The following GHRH variants were observed in gnomAD, a reference collection of about 807,000 sequenced individuals.
GHRH encodes growth hormone releasing hormone, also known as somatoliberin.
GHRH carries 7 observed loss-of-function variants against 15.6 expected under a neutral mutation model. The observed-to-expected ratio is 0.45, with a 90% confidence interval of 0.26 to 0.84. The LOEUF is 0.84. Ranked by LOEUF, GHRH falls within the 40% of genes least tolerant of loss-of-function variation. The pLI, the probability that GHRH is intolerant of heterozygous loss-of-function variation, is 0.18. For synonymous variants in GHRH, 54 were observed against 50.4 expected, an observed-to-expected ratio of 1.07 and a Z score of -0.30; for missense variants, 117 against 138.0, an observed-to-expected ratio of 0.85 and a Z score of 0.76.
Position 37,258,152 on chromosome 20 carries a change from T to G in GHRH, c.-19-1244A>C, listed in dbSNP as rs1350896919. On this transcript the variant is annotated intron_variant, in intron 1 of 4. Transcript: ENST00000373614. The surrounding 1 kb of genome is among the most constrained non-coding windows in gnomAD (Gnocchi z 4.1). The stretch of plus-strand genomic sequence containing the variant: ...CCGCCTCCGCTGGGGCAAGTGCCAC[T>G]GCTGTCAGCCCAGACCTGCCCAAGC... Among the ~76,000 whole-genome samples the G allele has an allele frequency of 6.6e-6, 1 of 152,228 alleles. No homozygotes were observed. The highest frequency in any genetic ancestry group is 1.5e-5 in the Non-Finnish European group (1 of 68,036).
intron 1 of GHRH, among the ~76,000 whole-genome samples, chr20:37,259,992 T>G (rs1252928860): frequency 1.3e-5 from 2 of 152,174 alleles, no homozygotes; most frequent in East Asian, 3.8e-4. Context: ...GTTGGGCCTC[T>G]GGGGAAGAAA....
chr20:37,261,616 G>A (rs915353121), intron 1 of GHRH, 127 bp downstream of exon 1: 25 of 152,254 alleles, frequency 1.6e-4, no homozygotes, highest in Admixed American at 1.6e-3. Context: ...GGGCTCAAAT[G>A]TACTCACCAG....
intron 4 of GHRH, among the ~76,000 whole-genome samples, chr20:37,251,843 T>TA (rs1402719667): frequency 3.9e-5 from 6 of 152,228 alleles, no homozygotes; most frequent in Admixed American, 3.9e-4. Context: ...AGCAGGAACT[T>TA]ATTCCTGCTC....
chr20:37,257,748 C>G (rs1042209366), intron 1 of GHRH, among the ~76,000 whole-genome samples: 1 of 152,180 alleles, frequency 6.6e-6, no homozygotes, highest in Non-Finnish European at 1.5e-5. Context: ...CCTCTCTGAG[C>G]CTTATTTTCC....
In GHRH at chr20:37,258,090, T is replaced by C. The variant is rs898052563; in HGVS notation, c.-19-1182A>G. On this transcript the variant is annotated intron_variant, in intron 1 of 4. Coordinates refer to ENST00000373614, the MANE Select transcript of GHRH (RefSeq NM_021081.6). This position sits in a 1 kb window ranked among gnomAD's most constrained non-coding sequence, Gnocchi z 4.1. ...ATTGGGGCCTGCGGACAGCATGCTCTGCAATTAGGGGAAAAACAGCCAGCA... is the reference window on the plus strand; with the variant it reads ...ATTGGGGCCTGCGGACAGCATGCTCCGCAATTAGGGGAAAAACAGCCAGCA... 3.3e-5 allele frequency among the ~76,000 whole-genome samples: 5 copies of C among 152,198 alleles called. No individual in the cohort carries two copies. Among genetic ancestry groups the C allele is most frequent in the Middle Eastern group, 3.2e-3 (1 of 316 alleles).
intron 1 of GHRH, among the ~76,000 whole-genome samples, chr20:37,261,053 G>A (rs1314644075): frequency 6.6e-6 from 1 of 152,176 alleles, no homozygotes; most frequent in East Asian, 1.9e-4. Context: ...TTCAGTGACA[G>A]CATTCCAAGT....
At chr20:37,257,037 A>G (rs2068661347) in intron 1 of GHRH, 129 bp from the exon 2 acceptor site, 4 of 651,780 alleles carry the variant, frequency 6.1e-6, no homozygotes, top group South Asian at 5.1e-5. Context: ...GGGATGGGAA[A>G]AAGAACCCAG....
At chr20:37,256,556 C>T (rs1186077199) in intron 2 of GHRH, 58 bp from the exon 3 acceptor site, 30 of 1,068,566 alleles carry the variant, frequency 2.8e-5, no homozygotes, top group Non-Finnish European at 4.1e-5. Flanking sequence ...AGAGGACAGT[C>T]GTGGCTGCAC....
rs1202957827 is a variant in GHRH, at chr20:37,258,638, GCA to G, written c.-19-1732_-19-1731del. Among the ~76,000 whole-genome samples, 8 of 152,188 alleles carry G rather than the reference GCA, an allele frequency of 5.3e-5. No homozygotes were observed. Among genetic ancestry groups the G allele is most frequent in the Non-Finnish European group, 1.2e-4 (8 of 68,026 alleles). On this transcript the variant is annotated intron_variant, in intron 1 of 4. Coordinates refer to ENST00000373614, the MANE Select transcript of GHRH (RefSeq NM_021081.6). This position sits in a 1 kb window ranked among gnomAD's most constrained non-coding sequence, Gnocchi z 4.1. Reference sequence around the variant, plus strand: ...CATGACATGAGCATCCCCACAACACGCACACTGGCTGTCCTCCACTTCCTGCT... The same window carrying G: ...CATGACATGAGCATCCCCACAACACGCACTGGCTGTCCTCCACTTCCTGCT...
At chr20:37,252,361 G>A (rs2068626266) in intron 4 of GHRH, among the ~76,000 whole-genome samples, 1 of 152,212 alleles carries the variant, frequency 6.6e-6, no homozygotes, top group Non-Finnish European at 1.5e-5. Flanking sequence ...ATCGGGTTGG[G>A]AAGAAGGTGA....
At chr20:37,251,579 G>C (rs76610112) in intron 4 of GHRH, among the ~76,000 whole-genome samples, 1 of 152,332 alleles carries the variant, frequency 6.6e-6, no homozygotes, top group Non-Finnish European at 1.5e-5. Flanking sequence ...GTAATTGACT[G>C]TACAAGAACG....
At chr20:37,255,488 G>A (rs891520967) in intron 3 of GHRH, among the ~76,000 whole-genome samples, 51 of 151,266 alleles carry the variant, frequency 3.4e-4, no homozygotes, top group Non-Finnish European at 5.6e-4. Flanking sequence ...GTGAAACCCC[G>A]TCTCTACTAA....
rs778211197 is a variant in GHRH, at chr20:37,258,941, T to C, written c.-19-2033A>G. Among the ~76,000 whole-genome samples, 1 of 152,160 alleles carries C rather than the reference T, an allele frequency of 6.6e-6. No homozygotes were observed. Among genetic ancestry groups the C allele is most frequent in the Non-Finnish European group, 1.5e-5 (1 of 68,022 alleles). ...TTTTTGTAAAGATAAAGTCTCACTATATTGCCGAGGCTGGTTTCAAACCCC... is the reference window on the plus strand; with the variant it reads ...TTTTTGTAAAGATAAAGTCTCACTACATTGCCGAGGCTGGTTTCAAACCCC... On this transcript the variant is annotated intron_variant, in intron 1 of 4. Transcript: ENST00000373614. The surrounding 1 kb of genome is among the most constrained non-coding windows in gnomAD (Gnocchi z 4.1).
chr20:37,255,511 A>G (rs2068650216), intron 3 of GHRH, among the ~76,000 whole-genome samples: 1 of 151,800 alleles, frequency 6.6e-6, no homozygotes, highest in Non-Finnish European at 1.5e-5. Context: ...TATACAAAAA[A>G]TTAGCTGGGC....
chr20:37,256,311 T>C (rs2068655368), intron 3 of GHRH, 83 bp downstream of exon 3: 1 of 765,716 alleles, frequency 1.3e-6, no homozygotes, highest in South Asian at 1.7e-5. Context: ...AGATCTGAAT[T>C]GGTCCCTGGT....
chr20:37,253,577 C>T (rs894352257), intron 4 of GHRH, among the ~76,000 whole-genome samples: 14 of 152,140 alleles, frequency 9.2e-5, no homozygotes, highest in African/African-American at 3.4e-4. Context: ...TTCCACCCTT[C>T]ATGACTAAAG....
In GHRH at chr20:37,256,384, T is replaced by C. The variant is rs747897519; in HGVS notation, c.188+10A>G. ...GGGTGTGGGAAGAAATCACTAGAAC[T>C]CCTGCTTACCCCTGCTGCCTGCTCA... On this transcript the variant is annotated intron_variant, in intron 3 of 4. Coordinates refer to ENST00000373614, the MANE Select transcript of GHRH (RefSeq NM_021081.6). 6.3e-7 allele frequency: 1 copy of C among 1,585,036 alleles called. No individual in the cohort carries two copies. Among genetic ancestry groups the C allele is most frequent in the South Asian group, 1.1e-5 (1 of 89,332 alleles).
chr20:37,255,162 A>C (rs1004352328), intron 3 of GHRH, among the ~76,000 whole-genome samples: 1 of 152,208 alleles, frequency 6.6e-6, no homozygotes, highest in Non-Finnish European at 1.5e-5. Flanking sequence ...GTGTGTATGT[A>C]TCTATATCTA....
chr20:37,252,467 C>T (rs1289953306), intron 4 of GHRH, among the ~76,000 whole-genome samples: 2 of 152,196 alleles, frequency 1.3e-5, no homozygotes, highest in Non-Finnish European at 2.9e-5. Context: ...CTTGTGCTCG[C>T]AGTTAAATCA....
Sources: allele counts gnomAD v4.1 joint callset (sites outside exome capture counted in the v4.1 genomes callset), GRCh38; gene constraint gnomAD v4.1.1; non-coding constraint Gnocchi (gnomAD v3.1); transcripts MANE v1.5; gene names NCBI Gene and HGNC (gene_info 2026-07-23, HGNC 2026-07-21).